TMTC2: variants seen among roughly 807,000 people sequenced by gnomAD.
TMTC2 encodes protein O-mannosyl-transferase TMTC2.
TMTC2 carries 43 observed loss-of-function variants against 82.4 expected under a neutral mutation model. That is an observed-to-expected ratio of 0.52 (90% CI 0.41 to 0.67). TMTC2 has a LOEUF of 0.67. TMTC2 is among the 30% of genes least tolerant of loss of function. The pLI is 0.00. For missense variants in TMTC2, 919 were observed against 1,012.4 expected (o/e 0.91, Z 1.25); for synonymous variants, 408 against 381.9 (o/e 1.07, Z -0.80).
Position 83,051,038 on chromosome 12 carries a change from TGCCTCAAA to T in TMTC2, c.2267+25_2267+32del, listed in dbSNP as rs1565869687. On this transcript the variant is annotated intron_variant, in intron 10 of 11. Transcript: ENST00000321196. ...GCTCAGGTTAGTTTTTTTGCTGCTG[TGCCTCAAA>T]GCCTAGGCTTTGAGAGGGTAATTAA... 1.1e-5 allele frequency: 17 copies of T among 1,576,302 alleles called. No homozygotes were observed. Among genetic ancestry groups the T allele is most frequent in the Non-Finnish European group, 1.3e-5 (15 of 1,152,350 alleles).
At chr12:82,957,096 A>G (rs769653442) in intron 4 of TMTC2, among the ~76,000 whole-genome samples, 1 of 152,164 alleles carries the variant, frequency 6.6e-6, no homozygotes, top group Non-Finnish European at 1.5e-5. Flanking sequence ...TCATCTGTAC[A>G]TGGAACATCA....
chr12:82,799,176 A>G (rs951175704), intron 1 of TMTC2, among the ~76,000 whole-genome samples: 3 of 152,136 alleles, frequency 2.0e-5, no homozygotes, highest in African/African-American at 4.8e-5. Context: ...CACTGATTTT[A>G]AAAATATATT....
intron 8 of TMTC2, among the ~76,000 whole-genome samples, chr12:82,990,899 T>C (rs1172578045): frequency 6.6e-6 from 1 of 152,150 alleles, no homozygotes; most frequent in East Asian, 1.9e-4. Flanking sequence ...AGGTATTGCT[T>C]TAATCCTCAG....
intron 1 of TMTC2, among the ~76,000 whole-genome samples, chr12:82,774,618 CAA>C (rs139326993): frequency 7.3e-6 from 1 of 136,680 alleles, no homozygotes; most frequent in Non-Finnish European, 1.6e-5. Flanking sequence ...AAGACTGTCT[CAA>C]AAAAAAAGAA....
intron 1 of TMTC2, among the ~76,000 whole-genome samples, chr12:82,806,855 T>G (rs1879267432): frequency 6.6e-6 from 1 of 152,060 alleles, no homozygotes; most frequent in African/African-American, 2.4e-5. Context: ...AAAGAAAATC[T>G]GTATAAGTGG....
intron 8 of TMTC2, among the ~76,000 whole-genome samples, chr12:83,000,351 G>A (rs964770973): frequency 1.3e-5 from 2 of 152,078 alleles, no homozygotes; most frequent in African/African-American, 4.8e-5. Flanking sequence ...AGCCAGGATG[G>A]TCTCGATCTC....
intron 11 of TMTC2, among the ~76,000 whole-genome samples, chr12:83,075,779 C>T (rs778625629): frequency 2.0e-5 from 3 of 152,196 alleles, no homozygotes; most frequent in Non-Finnish European, 2.9e-5. Flanking sequence ...CATCTGTCTT[C>T]AAACTCCTTT....
chr12:83,077,524 G>A (rs1295017960), intron 11 of TMTC2, among the ~76,000 whole-genome samples: 1 of 152,014 alleles, frequency 6.6e-6, no homozygotes, highest in African/African-American at 2.4e-5. Context: ...AAATTCTTAT[G>A]TGTGTTATGA....
chr12:82,780,766 A>G (rs1006547908), intron 1 of TMTC2, among the ~76,000 whole-genome samples: 14 of 111,698 alleles, frequency 1.3e-4, no homozygotes, highest in Admixed American at 2.4e-4. Context: ...CAAAATGTCA[A>G]TTGTGTATTT....
At chr12:82,835,749 C>T (rs151016164) in intron 1 of TMTC2, among the ~76,000 whole-genome samples, 5 of 152,198 alleles carry the variant, frequency 3.3e-5, no homozygotes, top group Admixed American at 6.5e-5. Context: ...TTAGGCAGTT[C>T]GCATTGATAT....
chr12:82,976,951 A>G (rs1159160194), intron 7 of TMTC2, among the ~76,000 whole-genome samples: 30 of 152,204 alleles, frequency 2.0e-4, no homozygotes, highest in Middle Eastern at 3.4e-3. Flanking sequence ...TCAGCTATTT[A>G]TCGAGTACTC....
intron 4 of TMTC2, among the ~76,000 whole-genome samples, chr12:82,955,518 C>T (rs187589487): frequency 1.3e-5 from 2 of 151,846 alleles, no homozygotes; most frequent in African/African-American, 4.8e-5. Flanking sequence ...AAAAGATGGG[C>T]AAAATGTTCC....
At chr12:82,923,389 A>G (rs1875506656) in intron 3 of TMTC2, among the ~76,000 whole-genome samples, 1 of 152,168 alleles carries the variant, frequency 6.6e-6, no homozygotes, top group Non-Finnish European at 1.5e-5. Flanking sequence ...GTTTCCAAGC[A>G]CAGACACTTC....
chr12:82,883,223 A>T (rs1413307618), intron 2 of TMTC2, among the ~76,000 whole-genome samples: 1 of 152,154 alleles, frequency 6.6e-6, no homozygotes, highest in Non-Finnish European at 1.5e-5. Flanking sequence ...AGAAACAGTA[A>T]ATAATAATTT....
chr12:83,005,863 G>A lies in TMTC2; in HGVS notation c.2070+19817G>A, dbSNP rs142722773. 5.2e-3 allele frequency among the ~76,000 whole-genome samples: 788 copies of A among 152,302 alleles called. 5 individuals carry two copies. The highest frequency in any genetic ancestry group is 0.01 in the Middle Eastern group (3 of 294). Reference sequence around the variant, plus strand: ...GATCTGACACACCTTGATATCTTAGGAAAGACAGCCCTGTTCTCTCCCAGT... The same window carrying A: ...GATCTGACACACCTTGATATCTTAGAAAAGACAGCCCTGTTCTCTCCCAGT... On this transcript the variant is annotated intron_variant, in intron 8 of 11. Coordinates refer to ENST00000321196, the MANE Select transcript of TMTC2 (RefSeq NM_152588.3).
chr12:82,885,109 C>T (rs140246689), intron 2 of TMTC2, among the ~76,000 whole-genome samples: 1 of 149,598 alleles, frequency 6.7e-6, no homozygotes, highest in African/African-American at 2.5e-5. Flanking sequence ...TACTTTGTTG[C>T]CCAGGGTGGT....
At chr12:82,902,088 G>T (rs1006466545) in intron 3 of TMTC2, among the ~76,000 whole-genome samples, 1 of 152,170 alleles carries the variant, frequency 6.6e-6, no homozygotes, top group African/African-American at 2.4e-5. Flanking sequence ...ACAAGGCTGA[G>T]ATCTTTCCCT....
intron 1 of TMTC2, among the ~76,000 whole-genome samples, chr12:82,739,614 AATTTCT>A (rs2136951510): frequency 6.6e-6 from 1 of 151,886 alleles, no homozygotes; most frequent in Non-Finnish European, 1.5e-5. Context: ...CACTTTTTGG[AATTTCT>A]ATTTATTTTT....
intron 11 of TMTC2, among the ~76,000 whole-genome samples, chr12:83,072,659 G>A (rs1883157461): frequency 6.6e-6 from 1 of 152,086 alleles, no homozygotes; most frequent in Non-Finnish European, 1.5e-5. Flanking sequence ...ATTAGTAATT[G>A]TTTTATAAAT....
Sources: allele counts gnomAD v4.1 joint callset (sites outside exome capture counted in the v4.1 genomes callset), GRCh38; gene constraint gnomAD v4.1.1; transcripts MANE v1.5; gene names NCBI Gene and HGNC (gene_info 2026-07-23, HGNC 2026-07-21).